Variants in AGBL3 observed in about 807,000 individuals in gnomAD.
AGBL3 encodes cytosolic carboxypeptidase 3.
AGBL3 carries 68 observed loss-of-function variants against 94.5 expected under a neutral mutation model. The observed-to-expected ratio is 0.72, with a 90% CI of 0.59 to 0.88. The LOEUF (loss-of-function observed/expected upper bound fraction) is 0.88, where lower values mean the gene tolerates loss of function less well. AGBL3 is among the 40% of genes least tolerant of loss of function. The pLI, the probability that AGBL3 is intolerant of heterozygous loss-of-function variation, is 0.00. For synonymous variants in AGBL3, 354 were observed against 370.7 expected (o/e 0.95, Z 0.52); for missense variants, 934 against 1,103.8 (o/e 0.85, Z 2.18).
chr7:135,117,437 C>T (rs1473663993), intron 16 of AGBL3, among the ~76,000 whole-genome samples: 1 of 152,196 alleles, frequency 6.6e-6, no homozygotes, highest in East Asian at 1.9e-4. Context: ...ACTCTTACAG[C>T]ACATTAACTA....
chr7:135,131,850 G>A (rs1828824224), intron 16 of AGBL3, among the ~76,000 whole-genome samples: 1 of 152,032 alleles, frequency 6.6e-6, no homozygotes. Context: ...CATGAGGAAT[G>A]AAACAGGATA....
chr7:135,075,836 G>A (rs1450340003), intron 12 of AGBL3, among the ~76,000 whole-genome samples: 1 of 152,152 alleles, frequency 6.6e-6, no homozygotes, highest in Non-Finnish European at 1.5e-5. Flanking sequence ...AAACGATGTT[G>A]AATATCTTTT....
intron 8 of AGBL3, among the ~76,000 whole-genome samples, chr7:135,041,980 T>C (rs1038547163): frequency 4.6e-5 from 7 of 152,182 alleles, no homozygotes; most frequent in African/African-American, 1.7e-4. Context: ...GGAGATACAA[T>C]TATATACCTT....
In AGBL3 at chr7:135,025,325, G is replaced by T. The variant is rs191192338; in HGVS notation, c.419-7519G>T. Among the ~76,000 whole-genome samples, 410 of 151,660 alleles carry T rather than the reference G, an allele frequency of 2.7e-3. 4 individuals carry two copies. Among genetic ancestry groups the T allele is most frequent in the African/African-American group, 9.6e-3 (397 of 41,530 alleles). ...GGGGCCTATTTTCAGCATCCCTAAA[G>T]AAAGAATTCTAATCAAGAATTTCAT... On this transcript the variant is annotated intron_variant, in intron 5 of 16. Transcript: ENST00000436302.
At chr7:135,058,954 A>T (rs1242035663) in intron 11 of AGBL3, among the ~76,000 whole-genome samples, 1 of 152,100 alleles carries the variant, frequency 6.6e-6, no homozygotes, top group East Asian at 1.9e-4. Context: ...ACAGGGTTTC[A>T]CCATGTTGGT....
intron 7 of AGBL3, among the ~76,000 whole-genome samples, chr7:135,035,901 T>C (rs1816257668): frequency 6.6e-6 from 1 of 152,118 alleles, no homozygotes; most frequent in Non-Finnish European, 1.5e-5. Flanking sequence ...TAGAAACTTG[T>C]AACTATCATT....
chr7:135,010,829 AG>A (rs1299249333), intron 4 of AGBL3: 1 of 152,228 alleles, frequency 6.6e-6, no homozygotes, highest in East Asian at 1.9e-4. Context: ...AAAAGACCTA[AG>A]TAAATAGAGG....
At chr7:135,101,019 A>C (rs1415750550) in intron 15 of AGBL3, 2 of 362,456 alleles carry the variant, frequency 5.5e-6, no homozygotes, top group African/African-American at 2.1e-5. Flanking sequence ...TGGCTATTAC[A>C]TTACTCTTAC....
In AGBL3 at chr7:135,064,047, C is replaced by T. The variant is rs113887611; in HGVS notation, c.1908+4812C>T. On this transcript the variant is annotated intron_variant, in intron 12 of 16. Transcript: ENST00000436302. Reference sequence around the variant, plus strand: ...ATCACAAGAGTTCAAGAGGGCAAGACAAACCATGCAAATCTATTTAAAGCC... The same window carrying T: ...ATCACAAGAGTTCAAGAGGGCAAGATAAACCATGCAAATCTATTTAAAGCC... Among the ~76,000 whole-genome samples, 277 of 152,302 alleles carry T rather than the reference C, an allele frequency of 1.8e-3. 2 individuals carry two copies. Among genetic ancestry groups the T allele is most frequent in the African/African-American group, 6.5e-3 (269 of 41,572 alleles).
chr7:135,021,743 G>C (rs943447944), intron 5 of AGBL3, among the ~76,000 whole-genome samples: 1 of 149,144 alleles, frequency 6.7e-6, no homozygotes, highest in Non-Finnish European at 1.5e-5. Flanking sequence ...ATGGTAGTTT[G>C]CTGGACCTAT....
At position 135,008,475 on chromosome 7, in the gene AGBL3, C is replaced by T. The variant is rs141561709; in HGVS notation, c.311-8577C>T. Among the ~76,000 whole-genome samples, 319 of 152,154 alleles carry T rather than the reference C, an allele frequency of 2.1e-3. 1 individual carries two copies. The highest frequency in any genetic ancestry group is 7.0e-3 in the African/African-American group (291 of 41,550). ...TTTGTCCCTTACCTCACACCATATACAAAAATTGATTCAAAATGGATCAAG... is the reference window on the plus strand; with the variant it reads ...TTTGTCCCTTACCTCACACCATATATAAAAATTGATTCAAAATGGATCAAG... On this transcript the variant is annotated intron_variant, in intron 4 of 16. Transcript: ENST00000436302.
At chr7:135,133,028 T>A (rs953995904) in intron 16 of AGBL3, among the ~76,000 whole-genome samples, 1 of 151,202 alleles carries the variant, frequency 6.6e-6, no homozygotes, top group Non-Finnish European at 1.5e-5. Flanking sequence ...ATGTAGAAAA[T>A]CCTAATAAAT....
chr7:135,012,636 C>T (rs375721017), intron 4 of AGBL3: 2 of 151,928 alleles, frequency 1.3e-5, no homozygotes, highest in Non-Finnish European at 2.9e-5. Context: ...AATAGACCAA[C>T]GTGTTTATTA....
In AGBL3 at chr7:135,060,075, AC is replaced by A. The variant is rs1032776038; in HGVS notation, c.1908+843del. On this transcript the variant is annotated intron_variant, in intron 12 of 16. Coordinates refer to ENST00000436302, the MANE Select transcript of AGBL3 (RefSeq NM_178563.4). ...ACCCAGGCAAGATCCTATGTTGAAA[AC>A]CCGGAGTACACAAGGTTAAACCAAG... Among the ~76,000 whole-genome samples the A allele has an allele frequency of 5.0e-4, 76 of 152,134 alleles. 1 individual carries two copies. The highest frequency in any genetic ancestry group is 1.7e-3 in the African/African-American group (70 of 41,500).
At chr7:135,086,497 C>A (rs1299762382) in intron 15 of AGBL3, among the ~76,000 whole-genome samples, 1 of 151,878 alleles carries the variant, frequency 6.6e-6, no homozygotes, top group African/African-American at 2.4e-5. Flanking sequence ...TCCTTCCATA[C>A]CTTATTTGGT....
At chr7:135,056,861 A>G (rs1818385611) in intron 11 of AGBL3, among the ~76,000 whole-genome samples, 1 of 152,162 alleles carries the variant, frequency 6.6e-6, no homozygotes, top group South Asian at 2.1e-4. Flanking sequence ...CCAGAAAGTT[A>G]TTTTGTGGCT....
intron 12 of AGBL3, among the ~76,000 whole-genome samples, chr7:135,062,330 A>G (rs1230001670): frequency 6.6e-6 from 1 of 151,952 alleles, no homozygotes; most frequent in Non-Finnish European, 1.5e-5. Flanking sequence ...GTTGTCTCCA[A>G]ACAAGGACAA....
intron 11 of AGBL3, 25 bp from the exon 12 acceptor site, chr7:135,059,144 T>C (rs1453723670): frequency 1.3e-6 from 2 of 1,538,852 alleles, no homozygotes; most frequent in South Asian, 2.4e-5. Context: ...AAACACTGTA[T>C]AAACCAAAAT....
chr7:135,108,442 T>C (rs1825100810), intron 15 of AGBL3, among the ~76,000 whole-genome samples: 1 of 152,168 alleles, frequency 6.6e-6, no homozygotes. Flanking sequence ...CTAAAATGGA[T>C]CTTATTTCTC....
Sources: gnomAD v4.1 joint callset for allele counts (sites outside exome capture counted in the v4.1 genomes callset) on GRCh38, gnomAD v4.1.1 for gene constraint, MANE v1.5 for transcripts, NCBI Gene and HGNC (gene_info 2026-07-23, HGNC 2026-07-21) for gene names.